FMNL2: variants seen among roughly 807,000 people sequenced by gnomAD.
The protein encoded by FMNL2 is formin like 2.
Under a neutral mutation model 130.2 loss-of-function variants are expected in FMNL2, and 51 were observed. The ratio of observed to expected loss-of-function variants is 0.39; its 90% confidence interval spans 0.31 to 0.49. The LOEUF (loss-of-function observed/expected upper bound fraction) is 0.49. FMNL2 is among the 20% of genes least tolerant of loss of function. The probability of loss-of-function intolerance (pLI) is 0.85; values close to 1 mark genes in which losing one functional copy is unlikely to be tolerated. For synonymous variants in FMNL2, 465 were observed against 467.1 expected (o/e 1.00, Z 0.06); for missense variants, 977 against 1,316.2 (o/e 0.74, Z 3.99).
At position 152,335,391 on chromosome 2, in the gene FMNL2, GGGC is replaced by G. The variant is rs1434679408; in HGVS notation, c.-207_-205del. The G allele has an allele frequency of 3.5e-6, 1 of 281,744 alleles. No homozygotes were observed. The highest frequency in any genetic ancestry group is 2.2e-5 in the African/African-American group (1 of 44,638). 17.5% of individuals were successfully genotyped at this position (281,744 alleles called of 1,614,324 possible). On this transcript the variant is annotated 5_prime_UTR_variant, in exon 1 of 26. Transcript: ENST00000288670. ...AGGAAAAGAGGCCGGGGCCGCGCTG[GGGC>G]GGCGGAGAGCATGAGGGAGGCCGGG...
In FMNL2 at chr2:152,526,898, C is replaced by T. The variant is rs532331562; in HGVS notation, c.201+4872C>T. ...TCAAATAAGGTCATCACAATTAAAA[C>T]GAATAGTAATTTCTTAATATCTCCT... On this transcript the variant is annotated intron_variant, in intron 2 of 25. Coordinates refer to ENST00000288670, the MANE Select transcript of FMNL2 (RefSeq NM_052905.4). 6.1e-4 allele frequency among the ~76,000 whole-genome samples: 93 copies of T among 151,920 alleles called. 1 individual carries two copies. The highest frequency in any genetic ancestry group is 1.9e-3 in the South Asian group (9 of 4,808).
intron 1 of FMNL2, among the ~76,000 whole-genome samples, chr2:152,419,674 A>G (rs912223048): frequency 7.2e-5 from 11 of 152,110 alleles, no homozygotes; most frequent in Non-Finnish European, 1.5e-5. Flanking sequence ...AGTTTTCTGA[A>G]GAAAAGCATT....
At chr2:152,424,392 A>G (rs1413708417) in intron 1 of FMNL2, among the ~76,000 whole-genome samples, 2 of 143,738 alleles carry the variant, frequency 1.4e-5, no homozygotes, top group East Asian at 4.1e-4. Flanking sequence ...TGGGCCTACC[A>G]TCTTTTTTTT....
chr2:152,590,980 CTTTTTTTTTTTTTTTTTTTTTTTT>C (rs1158391663), intron 9 of FMNL2, among the ~76,000 whole-genome samples: 67 of 65,788 alleles, frequency 1.0e-3, no homozygotes, highest in East Asian at 4.4e-3. Context: ...CCTCTGATAA[CTTTTTTTTTTTTTTTTTTTTTTTT>C]TTTTTTTTTT....
chr2:152,617,662 AG>A (rs34995335), intron 13 of FMNL2, among the ~76,000 whole-genome samples: 19,459 of 152,250 alleles, frequency 0.13, 1,535 homozygotes, highest in Admixed American at 0.23. Flanking sequence ...AAAAAAAGGG[AG>A]GGGATGTGCA....
intron 9 of FMNL2, among the ~76,000 whole-genome samples, chr2:152,597,205 G>C (rs1286899172): frequency 6.6e-6 from 1 of 152,170 alleles, no homozygotes; most frequent in Non-Finnish European, 1.5e-5. Context: ...TTTTATCATT[G>C]ATAACAAATA....
chr2:152,540,285 C>G (rs1178371716), intron 2 of FMNL2, among the ~76,000 whole-genome samples: 1 of 151,934 alleles, frequency 6.6e-6, no homozygotes, highest in African/African-American at 2.4e-5. Flanking sequence ...GCTAAATCCC[C>G]ATGGCAATAG....
At chr2:152,360,800 C>T (rs1683121697) in intron 1 of FMNL2, among the ~76,000 whole-genome samples, 2 of 152,086 alleles carry the variant, frequency 1.3e-5, no homozygotes, top group Admixed American at 1.3e-4. Flanking sequence ...AAAAGATGTA[C>T]TACATGATAA....
chr2:152,642,179 A>G (rs1394122276), intron 25 of FMNL2, among the ~76,000 whole-genome samples: 6 of 152,098 alleles, frequency 3.9e-5, no homozygotes, highest in Non-Finnish European at 7.4e-5. Flanking sequence ...TGACCTCGTG[A>G]TCTGCCCGCC....
At chr2:152,436,811 T>C (rs1687794043) in intron 1 of FMNL2, among the ~76,000 whole-genome samples, 2 of 152,158 alleles carry the variant, frequency 1.3e-5, no homozygotes, top group South Asian at 2.1e-4. Flanking sequence ...GATAAGTTCA[T>C]AGTATGAAGG....
At chr2:152,491,557 C>T (rs1265944523) in intron 1 of FMNL2, among the ~76,000 whole-genome samples, 1 of 152,172 alleles carries the variant, frequency 6.6e-6, no homozygotes, top group East Asian at 1.9e-4. Flanking sequence ...CAGCCAACTC[C>T]CCAAATTTTG....
intron 12 of FMNL2, among the ~76,000 whole-genome samples, chr2:152,615,697 A>C (rs1341356774): frequency 6.6e-6 from 1 of 152,232 alleles, no homozygotes; most frequent in Non-Finnish European, 1.5e-5. Flanking sequence ...TAACAGAAAA[A>C]TGGTGCTTCT....
chr2:152,364,681 C>T (rs1683411300), intron 1 of FMNL2, among the ~76,000 whole-genome samples: 1 of 152,184 alleles, frequency 6.6e-6, no homozygotes, highest in Non-Finnish European at 1.5e-5. Context: ...TTGGAATTAG[C>T]CTGTGACTTT....
intron 1 of FMNL2, among the ~76,000 whole-genome samples, chr2:152,466,990 TC>T (rs1413149609): frequency 2.0e-5 from 3 of 152,194 alleles, no homozygotes; most frequent in African/African-American, 7.2e-5. Context: ...TCTTCCTGCC[TC>T]CTCCAGTCTG....
chr2:152,470,060 C>T (rs1254261302), intron 1 of FMNL2, among the ~76,000 whole-genome samples: 3 of 152,186 alleles, frequency 2.0e-5, no homozygotes, highest in African/African-American at 4.8e-5. Flanking sequence ...ACCATACCCT[C>T]CCTGCTTTGT....
intron 1 of FMNL2, among the ~76,000 whole-genome samples, chr2:152,461,132 C>G (rs903060849): frequency 2.0e-5 from 3 of 152,064 alleles, no homozygotes; most frequent in African/African-American, 7.2e-5. Flanking sequence ...TAATTTGGAA[C>G]AGAGCTGAAC....
intron 1 of FMNL2, among the ~76,000 whole-genome samples, chr2:152,351,394 C>A (rs1682474841): frequency 6.6e-6 from 1 of 152,278 alleles, no homozygotes; most frequent in Non-Finnish European, 1.5e-5. Context: ...ACGTTCCCCT[C>A]CCGGTGTCCA....
At chr2:152,525,840 C>G (rs1693358988) in intron 2 of FMNL2, among the ~76,000 whole-genome samples, 1 of 152,168 alleles carries the variant, frequency 6.6e-6, no homozygotes, top group Non-Finnish European at 1.5e-5. Context: ...AGCCTCATTA[C>G]TCTCATTGTG....
chr2:152,363,275 T>C (rs928547781), intron 1 of FMNL2, among the ~76,000 whole-genome samples: 3 of 152,224 alleles, frequency 2.0e-5, no homozygotes, highest in African/African-American at 7.2e-5. Context: ...AAACCTTTTG[T>C]TTCAAGTTTC....
Sources: gnomAD v4.1 joint callset for allele counts (sites outside exome capture counted in the v4.1 genomes callset) on GRCh38, gnomAD v4.1.1 for gene constraint, MANE v1.5 for transcripts, NCBI Gene and HGNC (gene_info 2026-07-23, HGNC 2026-07-21) for gene names.